RBPMS: variants seen among roughly 807,000 people sequenced by gnomAD.
RBPMS encodes RNA-binding protein with multiple splicing.
Under a neutral mutation model 26.8 loss-of-function variants are expected in RBPMS, and 7 were observed. The ratio of observed to expected loss-of-function variants is 0.26; its 90% CI spans 0.15 to 0.49. RBPMS has a LOEUF of 0.49. Among genes scored for constraint, RBPMS ranks in the 20% least tolerant of loss-of-function variants. The pLI is 0.98. For synonymous variants in RBPMS, 96 were observed against 93.3 expected, an observed-to-expected ratio of 1.03 and a Z score of -0.17; for missense variants, 186 against 250.0, an observed-to-expected ratio of 0.74 and a Z score of 1.73.
intron 6 of RBPMS, chr8:30,545,274 T>C: frequency 8.3e-7 from 1 of 1,211,304 alleles, no homozygotes; most frequent in Non-Finnish European, 1.0e-6. Flanking sequence ...TAGCCTGATT[T>C]TTATAAACAA....
rs924371441 is a variant in RBPMS at position 30,562,690 on chromosome 8, C to T, written c.*8-3567C>T. On this transcript the variant is annotated intron_variant, in intron 7 of 8. Transcript: ENST00000397323. ...TTTAAACCAGAACAAGTCAAAAAGG[C>T]CAAATGAAAGGCGCATACCATTCAT... Among the ~76,000 whole-genome samples, 82 of 152,152 alleles carry T rather than the reference C, an allele frequency of 5.4e-4. 1 individual carries two copies. Among genetic ancestry groups the T allele is most frequent in the Non-Finnish European group, 1.3e-4 (9 of 68,028 alleles).
intron 6 of RBPMS, among the ~76,000 whole-genome samples, chr8:30,554,128 T>A (rs890304079): frequency 3.3e-5 from 5 of 152,230 alleles, no homozygotes; most frequent in African/African-American, 1.2e-4. Flanking sequence ...GACTTCTGAA[T>A]GTGGTGCAGG....
intron 1 of RBPMS, among the ~76,000 whole-genome samples, chr8:30,446,187 T>C (rs1356153688): frequency 6.6e-6 from 1 of 152,252 alleles, no homozygotes; most frequent in African/African-American, 2.4e-5. Flanking sequence ...TTTATCGTTT[T>C]ATTATGGTAG....
At position 30,389,139 on chromosome 8, in the gene RBPMS, A is replaced by T. The variant is rs553839728; in HGVS notation, c.66+3981A>T. On this transcript the variant is annotated intron_variant, in intron 1 of 8. Coordinates refer to ENST00000397323, the MANE Select transcript of RBPMS (RefSeq NM_001008710.3). ...GGAAAGTACAGAATGGTTTTATACA[A>T]TTTAACCAAGATTGGGGATCTCTGT... 5.9e-5 allele frequency among the ~76,000 whole-genome samples: 9 copies of T among 152,336 alleles called. No individual in the cohort carries two copies. The East Asian group carries it at 1.7e-3, about 29-fold the overall frequency.
chr8:30,545,419 A>C, intron 6 of RBPMS: 1 of 1,032,262 alleles, frequency 9.7e-7, no homozygotes, highest in Non-Finnish European at 1.2e-6. Flanking sequence ...GGAGATCACC[A>C]CTCATTCTTT....
intron 1 of RBPMS, among the ~76,000 whole-genome samples, chr8:30,443,697 T>C (rs931867009): frequency 2.5e-4 from 38 of 151,492 alleles, no homozygotes; most frequent in Admixed American, 7.9e-4. Flanking sequence ...CAGGTTCAAG[T>C]GATTTTCCTG....
At chr8:30,428,148 C>G (rs566416871) in intron 1 of RBPMS, among the ~76,000 whole-genome samples, 3 of 151,618 alleles carry the variant, frequency 2.0e-5, no homozygotes, top group African/African-American at 7.3e-5. Flanking sequence ...CTCAGCCTCC[C>G]GAGTAGCTGG....
intron 7 of RBPMS, 74 bp from the exon 8 acceptor site, chr8:30,566,183 C>T (rs1013767994): frequency 5.9e-5 from 50 of 842,560 alleles, no homozygotes; most frequent in Admixed American, 1.2e-4. Context: ...CAGAACAGGC[C>T]GGTCTTCAAG....
chr8:30,460,062 A>G (rs1257545322), intron 1 of RBPMS, among the ~76,000 whole-genome samples: 1 of 152,240 alleles, frequency 6.6e-6, no homozygotes, highest in Non-Finnish European at 1.5e-5. Flanking sequence ...TGGTTAACAG[A>G]CATAATTAGG....
intron 5 of RBPMS, among the ~76,000 whole-genome samples, chr8:30,531,314 C>T (rs1211495756): frequency 6.6e-6 from 1 of 150,520 alleles, no homozygotes; most frequent in Non-Finnish European, 1.5e-5. Flanking sequence ...TTGGATTACC[C>T]ACCAAAGATC....
chr8:30,420,579 GCGGGTC>G (rs1329590607), intron 1 of RBPMS, among the ~76,000 whole-genome samples: 4 of 152,184 alleles, frequency 2.6e-5, no homozygotes, highest in African/African-American at 9.6e-5. Context: ...CATTTTTCAT[GCGGGTC>G]AGTTGAAGTG....
At chr8:30,432,165 A>C (rs963656388) in intron 1 of RBPMS, among the ~76,000 whole-genome samples, 1 of 152,166 alleles carries the variant, frequency 6.6e-6, no homozygotes, top group Non-Finnish European at 1.5e-5. Flanking sequence ...GACATTTCAA[A>C]GACTTTTTCT....
chr8:30,471,476 G>A (rs1203770699), intron 1 of RBPMS, among the ~76,000 whole-genome samples: 1 of 152,044 alleles, frequency 6.6e-6, no homozygotes, highest in Non-Finnish European at 1.5e-5. Context: ...ATGGTAAGAT[G>A]CACCACTAGA....
At chr8:30,522,321 TCAAAA>T (rs1823139833) in intron 5 of RBPMS, among the ~76,000 whole-genome samples, 1 of 145,956 alleles carries the variant, frequency 6.9e-6, no homozygotes, top group African/African-American at 2.6e-5. Flanking sequence ...AAACTCCACC[TCAAAA>T]CAACAACAAC....
intron 7 of RBPMS, 35 bp downstream of exon 7, chr8:30,558,991 C>T (rs1827221698): frequency 6.4e-7 from 1 of 1,568,592 alleles, no homozygotes; most frequent in African/African-American, 1.4e-5. Flanking sequence ...TGTGCGAAGC[C>T]CCTAGAACAC....
chr8:30,452,482 A>G (rs1362581741), intron 1 of RBPMS, among the ~76,000 whole-genome samples: 1 of 152,228 alleles, frequency 6.6e-6, no homozygotes, highest in Non-Finnish European at 1.5e-5. Context: ...TCCAGACACC[A>G]GAAGAACATG....
chr8:30,545,093 C>T, intron 6 of RBPMS: 2 of 1,356,926 alleles, frequency 1.5e-6, no homozygotes, highest in South Asian at 2.6e-5. Context: ...GGGAAAGCTT[C>T]CAGGGGGGAA....
intron 7 of RBPMS, among the ~76,000 whole-genome samples, chr8:30,562,326 C>T (rs767769045): frequency 3.3e-5 from 3 of 90,176 alleles, no homozygotes; most frequent in Non-Finnish European, 7.1e-5. Context: ...GCAAGACTGT[C>T]GAAAAAAAAA....
At chr8:30,524,846 T>C (rs772140149) in intron 5 of RBPMS, among the ~76,000 whole-genome samples, 7 of 152,200 alleles carry the variant, frequency 4.6e-5, no homozygotes, top group Non-Finnish European at 1.0e-4. Flanking sequence ...TTTCAAACTT[T>C]ATCAGTAAAA....
Sources: allele counts gnomAD v4.1 joint callset (sites outside exome capture counted in the v4.1 genomes callset), GRCh38; gene constraint gnomAD v4.1.1; transcripts MANE v1.5; gene names NCBI Gene and HGNC (gene_info 2026-07-23, HGNC 2026-07-21).